PHF21A: variants seen among roughly 807,000 people sequenced by gnomAD.
PHF21A encodes the protein BHC80a.
A neutral mutation model predicts 82.5 loss-of-function variants in PHF21A; 11 were observed. That is an observed-to-expected ratio of 0.13 (90% CI 0.08 to 0.22). PHF21A has a LOEUF of 0.22. Among genes scored for constraint, PHF21A ranks in the 10% least tolerant of loss-of-function variants. The pLI, the probability that PHF21A is intolerant of heterozygous loss-of-function variation, is 1.00. For missense variants in PHF21A, 579 were observed against 837.8 expected, an observed-to-expected ratio of 0.69 and a Z score of 3.81; for synonymous variants, 297 against 302.8, an observed-to-expected ratio of 0.98 and a Z score of 0.20.
intron 1 of PHF21A, among the ~76,000 whole-genome samples, chr11:46,113,549 G>C (rs1162777624): frequency 6.6e-6 from 1 of 152,076 alleles, no homozygotes; most frequent in Non-Finnish European, 1.5e-5. Context: ...AATTGTTTTG[G>C]CCGGGCGCGG....
chr11:45,971,799 C>T (rs2093760906), intron 7 of PHF21A, among the ~76,000 whole-genome samples: 1 of 151,742 alleles, frequency 6.6e-6, no homozygotes, highest in African/African-American at 2.4e-5. Context: ...CTGCTACAAG[C>T]TCACCAATAT....
At chr11:45,936,713 T>G in intron 16 of PHF21A, 144 bp from the exon 17 acceptor site, 3 of 632,048 alleles carry the variant, frequency 4.7e-6, no homozygotes, top group Non-Finnish European at 8.4e-6. Context: ...CCCTGGTCTA[T>G]AGTTTCTGGA....
chr11:45,945,263 T>C (rs2091114967), intron 15 of PHF21A, among the ~76,000 whole-genome samples: 1 of 152,200 alleles, frequency 6.6e-6, no homozygotes, highest in Admixed American at 6.5e-5. Context: ...TTGAGGTTCA[T>C]TTAAACATTT....
At chr11:45,949,250 A>G (rs2091769488) in intron 13 of PHF21A, 152 bp downstream of exon 13, 3 of 698,408 alleles carry the variant, frequency 4.3e-6, no homozygotes, top group Non-Finnish European at 7.5e-6. Context: ...TGACTAATAA[A>G]AATGATAAGT....
intron 6 of PHF21A, among the ~76,000 whole-genome samples, chr11:46,057,913 A>C (rs1330293228): frequency 6.6e-6 from 1 of 152,208 alleles, no homozygotes; most frequent in Non-Finnish European, 1.5e-5. Flanking sequence ...GGGTGACTTA[A>C]CTACCAACCT....
intron 9 of PHF21A, among the ~76,000 whole-genome samples, chr11:45,968,029 G>C (rs1425616558): frequency 6.6e-6 from 1 of 152,154 alleles, no homozygotes; most frequent in African/African-American, 2.4e-5. Context: ...CTAAACCTTA[G>C]ATTCCTTACC....
chr11:45,963,873 T>C (rs971780640), intron 10 of PHF21A, among the ~76,000 whole-genome samples: 3 of 152,090 alleles, frequency 2.0e-5, no homozygotes, highest in Non-Finnish European at 4.4e-5. Flanking sequence ...GTCAATAAGT[T>C]TGAAATTTTC....
intron 1 of PHF21A, among the ~76,000 whole-genome samples, chr11:46,098,397 G>A (rs1010481316): frequency 3.3e-5 from 5 of 152,038 alleles, no homozygotes; most frequent in African/African-American, 1.2e-4. Flanking sequence ...ATTACAGGAA[G>A]GCTTTTAAGT....
chr11:45,958,419 AATATAT>A (rs71308367), intron 10 of PHF21A, among the ~76,000 whole-genome samples: 32 of 25,016 alleles, frequency 1.3e-3, no homozygotes, highest in African/African-American at 3.4e-3. Flanking sequence ...AAAAAAAAAA[AATATAT>A]ATATATATAT....
intron 15 of PHF21A, 64 bp downstream of exon 15, chr11:45,945,774 CAT>C (rs1286964070): frequency 2.3e-5 from 31 of 1,350,728 alleles, no homozygotes; most frequent in Non-Finnish European, 2.8e-5. Flanking sequence ...AAGGAGACAA[CAT>C]ATGATAACGC....
chr11:46,054,616 A>C (rs1299138664), intron 6 of PHF21A, among the ~76,000 whole-genome samples: 1 of 152,188 alleles, frequency 6.6e-6, no homozygotes, highest in Non-Finnish European at 1.5e-5. Context: ...CTGGCCTTCA[A>C]ATCAAAGACT....
At chr11:45,996,193 C>T (rs1425668838) in intron 6 of PHF21A, among the ~76,000 whole-genome samples, 1 of 152,148 alleles carries the variant, frequency 6.6e-6, no homozygotes, top group Non-Finnish European at 1.5e-5. Flanking sequence ...ACCCTCCTGG[C>T]TCGGCCTCCC....
chr11:46,040,975 T>C (rs1649718979), intron 6 of PHF21A, among the ~76,000 whole-genome samples: 1 of 151,006 alleles, frequency 6.6e-6, no homozygotes, highest in Non-Finnish European at 1.5e-5. Context: ...ACAGTAAGAA[T>C]TTCCCAGGTT....
intron 14 of PHF21A, among the ~76,000 whole-genome samples, chr11:45,946,382 A>G (rs1284366804): frequency 6.6e-6 from 1 of 152,018 alleles, no homozygotes; most frequent in African/African-American, 2.4e-5. Context: ...GAATGAGTTT[A>G]TTTTATTTAT....
At chr11:45,960,700 A>T (rs1311752124) in intron 10 of PHF21A, among the ~76,000 whole-genome samples, 1 of 151,744 alleles carries the variant, frequency 6.6e-6, no homozygotes, top group East Asian at 1.9e-4. Context: ...CACCTCAATT[A>T]AAAAAAAATT....
At chr11:45,994,774 C>T (rs2094844230) in intron 6 of PHF21A, among the ~76,000 whole-genome samples, 1 of 152,208 alleles carries the variant, frequency 6.6e-6, no homozygotes, top group Non-Finnish European at 1.5e-5. Context: ...TTAGCTTACC[C>T]TTCAGATGTT....
chr11:46,107,264 T>G (rs2097162141), intron 1 of PHF21A, among the ~76,000 whole-genome samples: 2 of 152,196 alleles, frequency 1.3e-5, no homozygotes, highest in African/African-American at 4.8e-5. Context: ...TCAAGATGAC[T>G]GAGTCTAGAA....
chr11:46,007,278 C>T (rs2095316108), intron 6 of PHF21A, among the ~76,000 whole-genome samples: 1 of 151,952 alleles, frequency 6.6e-6, no homozygotes, highest in Non-Finnish European at 1.5e-5. Context: ...ATCTGTGGCA[C>T]TTTACAGAAG....
At chr11:45,972,802 T>C (rs1044031630) in intron 7 of PHF21A, among the ~76,000 whole-genome samples, 6 of 152,198 alleles carry the variant, frequency 3.9e-5, no homozygotes, top group Non-Finnish European at 8.8e-5. Flanking sequence ...TAATCCCAGC[T>C]ACTCGGGAGG....
Sources: allele counts gnomAD v4.1 joint callset (sites outside exome capture counted in the v4.1 genomes callset), GRCh38; gene constraint gnomAD v4.1.1; transcripts MANE v1.5; gene names NCBI Gene and HGNC (gene_info 2026-07-23, HGNC 2026-07-21).